The following CUL1 variants were observed in gnomAD, a reference collection of about 807,000 sequenced individuals.
CUL1 encodes the protein cullin 1.
A neutral mutation model predicts 118.0 loss-of-function variants in CUL1; 24 were observed. The observed-to-expected ratio is 0.20, with a 90% CI of 0.15 to 0.29. CUL1 has a LOEUF of 0.29. Among genes scored for constraint, CUL1 ranks in the 10% least tolerant of loss-of-function variants. CUL1 has a pLI of 1.00. For synonymous variants in CUL1, 332 were observed against 340.4 expected, an observed-to-expected ratio of 0.98 and a Z score of 0.27; for missense variants, 361 against 933.8, an observed-to-expected ratio of 0.39 and a Z score of 7.99.
intron 7 of CUL1, among the ~76,000 whole-genome samples, chr7:148,761,600 G>A (rs567399784): frequency 6.6e-6 from 1 of 152,332 alleles, no homozygotes; most frequent in East Asian, 1.9e-4. Flanking sequence ...TCTTGTAAAG[G>A]GCTAGAAAGG....
intron 17 of CUL1, among the ~76,000 whole-genome samples, chr7:148,797,413 A>AAAAC (rs1801238298): frequency 1.3e-5 from 2 of 151,014 alleles, no homozygotes. Flanking sequence ...AAAAAAAAAA[A>AAAAC]TGCTCATGGC....
chr7:148,710,919 C>T (rs748225340), intron 1 of CUL1, among the ~76,000 whole-genome samples: 6 of 152,084 alleles, frequency 3.9e-5, no homozygotes, highest in African/African-American at 7.2e-5. Flanking sequence ...CTGCCCGCCT[C>T]GGCCTCCCAA....
intron 9 of CUL1, among the ~76,000 whole-genome samples, chr7:148,782,927 C>T (rs1016478290): frequency 1.3e-5 from 2 of 151,444 alleles, no homozygotes; most frequent in Non-Finnish European, 2.9e-5. Context: ...CCTCGCAGCC[C>T]GGAGCCAAGC....
At chr7:148,777,451 C>T (rs2129461885) in intron 9 of CUL1, among the ~76,000 whole-genome samples, 1 of 152,182 alleles carries the variant, frequency 6.6e-6, no homozygotes, top group African/African-American at 2.4e-5. Flanking sequence ...GTATATTCTG[C>T]TGTTGTTGGA....
intron 2 of CUL1, among the ~76,000 whole-genome samples, chr7:148,739,452 C>G (rs551203080): frequency 1.2e-4 from 18 of 152,324 alleles, no homozygotes; most frequent in African/African-American, 4.3e-4. Flanking sequence ...GTGCCCTAAA[C>G]CGGGGGCACC....
chr7:148,699,520 G>C (rs1481670452), intron 1 of CUL1, among the ~76,000 whole-genome samples: 1 of 152,172 alleles, frequency 6.6e-6, no homozygotes, highest in Admixed American at 6.5e-5. Flanking sequence ...CTGCTTTCCG[G>C]CCGACGCGTG....
Position 148,754,099 on chromosome 7 carries a change from A to G in CUL1, c.264A>G (p.Leu88=). 1 of 1,613,050 alleles carries G rather than the reference A, an allele frequency of 6.2e-7. No homozygotes were observed. Among genetic ancestry groups the G allele is most frequent in the Non-Finnish European group, 8.5e-7 (1 of 1,179,628 alleles). Reference sequence around the variant, plus strand: ...GAGCTCAGTTTGTTGGCCTGGAATTATATAAACGACTTAAGGAATTTTTGA... The same window carrying G: ...GAGCTCAGTTTGTTGGCCTGGAATTGTATAAACGACTTAAGGAATTTTTGA... ...PGGAQFVGLE[L]YKRLKEFLKN... The change falls in exon 3 of 22, where the codon TTA becomes TTG. Residue 88 remains leucine (L), a synonymous_variant. Transcript: ENST00000325222.
intron 3 of CUL1, among the ~76,000 whole-genome samples, chr7:148,756,137 T>C (rs980618101): frequency 6.6e-6 from 1 of 152,270 alleles, no homozygotes; most frequent in African/African-American, 2.4e-5. Context: ...TGTGGAAATC[T>C]GGATAAAAAT....
intron 9 of CUL1, among the ~76,000 whole-genome samples, chr7:148,777,999 G>T (rs367787993): frequency 1.2e-4 from 17 of 144,844 alleles, no homozygotes; most frequent in African/African-American, 3.9e-4. Context: ...GGAGGCAGAG[G>T]TTGCAGTGAG....
At chr7:148,767,886 T>G in intron 9 of CUL1, 137 bp downstream of exon 9, 1 of 878,382 alleles carries the variant, frequency 1.1e-6, no homozygotes, top group Non-Finnish European at 1.7e-6. Flanking sequence ...TTTTGTCTTT[T>G]TGAAGTAGAT....
At chr7:148,781,592 A>G (rs1315728370) in intron 9 of CUL1, among the ~76,000 whole-genome samples, 1 of 152,260 alleles carries the variant, frequency 6.6e-6, no homozygotes, top group African/African-American at 2.4e-5. Context: ...AAAATGGCCA[A>G]AACATTTTGA....
intron 2 of CUL1, 131 bp downstream of exon 2, chr7:148,730,393 T>G: frequency 8.9e-7 from 1 of 1,129,452 alleles, no homozygotes; most frequent in East Asian, 2.6e-5. Context: ...AGGGTTCATT[T>G]TTAGCCTTAA....
intron 7 of CUL1, among the ~76,000 whole-genome samples, chr7:148,764,002 A>G (rs959355715): frequency 7.9e-5 from 12 of 151,476 alleles, no homozygotes; most frequent in African/African-American, 2.9e-4. Context: ...AGAGTGAACC[A>G]TGTTAGTGTT....
At chr7:148,713,256 G>A (rs1798106939) in intron 1 of CUL1, among the ~76,000 whole-genome samples, 1 of 152,184 alleles carries the variant, frequency 6.6e-6, no homozygotes, top group African/African-American at 2.4e-5. Context: ...TAAAAGCATT[G>A]TGCTGAAACT....
intron 1 of CUL1, among the ~76,000 whole-genome samples, chr7:148,717,618 A>G (rs889910930): frequency 6.6e-6 from 1 of 151,738 alleles, no homozygotes; most frequent in Non-Finnish European, 1.5e-5. Flanking sequence ...TCACCCTCAC[A>G]GAATAAAGAC....
At chr7:148,706,589 C>T (rs1371625082) in intron 1 of CUL1, among the ~76,000 whole-genome samples, 1 of 146,458 alleles carries the variant, frequency 6.8e-6, no homozygotes, top group Non-Finnish European at 1.5e-5. Flanking sequence ...GCTGAAGACA[C>T]ATACTGAAAT....
chr7:148,728,982 A>G (rs1798671004), intron 1 of CUL1, among the ~76,000 whole-genome samples: 1 of 152,218 alleles, frequency 6.6e-6, no homozygotes, highest in Non-Finnish European at 1.5e-5. Context: ...CATTCAAATA[A>G]TTCAGTGTTT....
chr7:148,765,457 T>C (rs1261703126), intron 7 of CUL1, among the ~76,000 whole-genome samples: 3 of 152,022 alleles, frequency 2.0e-5, no homozygotes, highest in South Asian at 4.1e-4. Flanking sequence ...TAGTGAGACC[T>C]TGTCTCTAGA....
chr7:148,731,216 T>TA (rs1405219820), intron 2 of CUL1, among the ~76,000 whole-genome samples: 1 of 152,154 alleles, frequency 6.6e-6, no homozygotes, highest in Non-Finnish European at 1.5e-5. Flanking sequence ...TCCATACAAA[T>TA]ATGACATTGA....
Sources: gnomAD v4.1 joint callset for allele counts (sites outside exome capture counted in the v4.1 genomes callset) on GRCh38, gnomAD v4.1.1 for gene constraint, MANE v1.5 for transcripts, NCBI Gene and HGNC (gene_info 2026-07-23, HGNC 2026-07-21) for gene names.